The following DMRT1 variants were observed in gnomAD, a reference collection of about 807,000 sequenced individuals.
The protein encoded by DMRT1 is doublesex and mab-3 related transcription factor 1, also known as doublesex- and mab-3-related transcription factor 1.
Under a neutral mutation model 32.3 loss-of-function variants are expected in DMRT1, and 7 were observed. The ratio of observed to expected loss-of-function variants is 0.22; its 90% CI spans 0.12 to 0.41. The LOEUF (loss-of-function observed/expected upper bound fraction) is 0.41, where lower values mean the gene tolerates loss of function less well. Ranked by LOEUF, DMRT1 falls within the 10% of genes least tolerant of loss-of-function variation. The pLI is 1.00. For missense variants in DMRT1, 625 were observed against 500.5 expected (o/e 1.25, Z -2.37); for synonymous variants, 278 against 206.1 (o/e 1.35, Z -2.99).
chr9:954,467 T>C (rs1405718488), intron 4 of DMRT1, among the ~76,000 whole-genome samples: 1 of 151,940 alleles, frequency 6.6e-6, no homozygotes, highest in African/African-American at 2.4e-5. Context: ...CAGCAGCTGC[T>C]TAGATGTGGG....
At chr9:915,759 G>T (rs1280480705) in intron 3 of DMRT1, among the ~76,000 whole-genome samples, 2 of 149,848 alleles carry the variant, frequency 1.3e-5, no homozygotes, top group African/African-American at 5.1e-5. Context: ...TTTAGACAGA[G>T]TCTCGCTCTG....
At chr9:897,033 T>A (rs763729355) in intron 3 of DMRT1, among the ~76,000 whole-genome samples, 1 of 151,862 alleles carries the variant, frequency 6.6e-6, no homozygotes, top group Admixed American at 6.6e-5. Context: ...AATGTCAATT[T>A]TAATCCCCTG....
chr9:857,128 G>A (rs930854761), intron 2 of DMRT1, among the ~76,000 whole-genome samples: 1 of 152,078 alleles, frequency 6.6e-6, no homozygotes, highest in Non-Finnish European at 1.5e-5. Context: ...CAGCCATGGT[G>A]AAACCCCGTC....
At position 841,909 on chromosome 9, in the gene DMRT1, C is replaced by A; in HGVS notation, c.71C>A (p.Pro24Gln). 1 of 1,610,632 alleles carries A rather than the reference C, an allele frequency of 6.2e-7. No homozygotes were observed. Among genetic ancestry groups the A allele is most frequent in the Non-Finnish European group, 8.5e-7 (1 of 1,178,556 alleles). The change falls in exon 1 of 5, where the codon CCG (proline) becomes CAG (glutamine). Residue 24 changes from proline (P) to glutamine (Q), a missense_variant. By Grantham distance (76) the Pro-to-Gln change is moderately conservative. Coordinates refer to ENST00000382276, the MANE Select transcript of DMRT1 (RefSeq NM_021951.3). ...GCCCCTCACGCCCCCGGGGTACCGC[C>A]GCAGGGCAGAGCCGGGGGCTTTGGC... Reference protein sequence around the residue: ...SEAPHAPGVPPQGRAGGFGKA... With the variant: ...SEAPHAPGVPQQGRAGGFGKA...
At chr9:943,135 G>T (rs976891307) in intron 4 of DMRT1, among the ~76,000 whole-genome samples, 2 of 152,210 alleles carry the variant, frequency 1.3e-5, no homozygotes, top group African/African-American at 4.8e-5. Context: ...AAGAGTGAAG[G>T]ATCAGGAGGA....
chr9:952,939 G>A (rs758551738), intron 4 of DMRT1, among the ~76,000 whole-genome samples: 6 of 152,166 alleles, frequency 3.9e-5, no homozygotes, highest in African/African-American at 4.8e-5. Context: ...TTTTAAAGCC[G>A]AAAGGGTTTT....
intron 4 of DMRT1, among the ~76,000 whole-genome samples, chr9:937,173 G>T (rs1292050500): frequency 6.6e-6 from 1 of 152,208 alleles, no homozygotes; most frequent in Non-Finnish European, 1.5e-5. Context: ...GCATGTGTCA[G>T]ACCCTCATTC....
At chr9:911,227 C>T (rs1817963737) in intron 3 of DMRT1, among the ~76,000 whole-genome samples, 1 of 152,062 alleles carries the variant, frequency 6.6e-6, no homozygotes, top group East Asian at 1.9e-4. Flanking sequence ...GCATCAACTC[C>T]CTGCCCCCTT....
At chr9:905,369 G>C (rs950364828) in intron 3 of DMRT1, among the ~76,000 whole-genome samples, 4 of 152,086 alleles carry the variant, frequency 2.6e-5, no homozygotes, top group African/African-American at 9.7e-5. Flanking sequence ...GCAAGTCCCA[G>C]TTCTAGGGGA....
intron 4 of DMRT1, among the ~76,000 whole-genome samples, chr9:920,533 C>G (rs897849498): frequency 1.3e-5 from 2 of 152,186 alleles, no homozygotes; most frequent in African/African-American, 4.8e-5. Flanking sequence ...GAACCAAAGC[C>G]TGCCTGCGTA....
At chr9:874,821 T>G (rs960569970) in intron 2 of DMRT1, among the ~76,000 whole-genome samples, 3 of 147,102 alleles carry the variant, frequency 2.0e-5, no homozygotes, top group Non-Finnish European at 4.5e-5. Flanking sequence ...TTTTTTTTTT[T>G]TTTTGAGATG....
chr9:865,737 C>G (rs1291580943), intron 2 of DMRT1, among the ~76,000 whole-genome samples: 2 of 152,200 alleles, frequency 1.3e-5, no homozygotes, highest in African/African-American at 4.8e-5. Flanking sequence ...CATCTTAATG[C>G]TCAAACATGG....
At chr9:924,318 C>T (rs763471202) in intron 4 of DMRT1, among the ~76,000 whole-genome samples, 13 of 152,250 alleles carry the variant, frequency 8.5e-5, no homozygotes, top group Non-Finnish European at 1.6e-4. Context: ...GTGATCTGCC[C>T]GCCTTGGCCT....
At chr9:940,142 A>G (rs1423490706) in intron 4 of DMRT1, among the ~76,000 whole-genome samples, 1 of 152,090 alleles carries the variant, frequency 6.6e-6, no homozygotes, top group East Asian at 1.9e-4. Flanking sequence ...ACACTGTGGA[A>G]ACCAGTTTGG....
intron 4 of DMRT1, among the ~76,000 whole-genome samples, chr9:946,769 T>C (rs112239268): frequency 0.015 from 2,237 of 152,278 alleles, 59 homozygotes; most frequent in African/African-American, 0.051. Context: ...GTGTTTCCAC[T>C]TGGGCTGAAA....
At chr9:966,632 G>C (rs946085331) in intron 4 of DMRT1, among the ~76,000 whole-genome samples, 1 of 152,196 alleles carries the variant, frequency 6.6e-6, no homozygotes, top group Non-Finnish European at 1.5e-5. Context: ...CCAGTGGAGT[G>C]GTTAAGGGCC....
At chr9:913,605 T>C (rs1818065318) in intron 3 of DMRT1, among the ~76,000 whole-genome samples, 1 of 152,162 alleles carries the variant, frequency 6.6e-6, no homozygotes, top group African/African-American at 2.4e-5. Context: ...TAATTTTTTT[T>C]TTTTTTTAAG....
At chr9:885,529 A>G (rs1816893190) in intron 2 of DMRT1, among the ~76,000 whole-genome samples, 1 of 152,164 alleles carries the variant, frequency 6.6e-6, no homozygotes, top group Non-Finnish European at 1.5e-5. Flanking sequence ...TAGGCCCATC[A>G]ATGACCTGCC....
At chr9:959,327 T>G (rs1819695754) in intron 4 of DMRT1, among the ~76,000 whole-genome samples, 1 of 152,234 alleles carries the variant, frequency 6.6e-6, no homozygotes, top group South Asian at 2.1e-4. Context: ...AGGAACTCAT[T>G]AAAAGCTGGG....
Sources: allele counts gnomAD v4.1 joint callset (sites outside exome capture counted in the v4.1 genomes callset), GRCh38; gene constraint gnomAD v4.1.1; transcripts MANE v1.5; gene names NCBI Gene and HGNC (gene_info 2026-07-23, HGNC 2026-07-21).